Variants in GABRB3 observed in about 807,000 individuals in gnomAD.
The protein encoded by GABRB3 is gamma-aminobutyric acid type A receptor subunit beta3.
Under a neutral mutation model 52.1 loss-of-function variants are expected in GABRB3, and 14 were observed. The observed-to-expected ratio is 0.27, with a 90% CI of 0.18 to 0.42. GABRB3 has a LOEUF of 0.42. GABRB3 is among the 10% of genes least tolerant of loss of function. The probability of loss-of-function intolerance (pLI) is 1.00; values close to 1 mark genes in which losing one functional copy is unlikely to be tolerated. For synonymous variants in GABRB3, 260 were observed against 232.3 expected (o/e 1.12, Z -1.08); for missense variants, 307 against 609.1 (o/e 0.50, Z 5.22).
intron 3 of GABRB3, among the ~76,000 whole-genome samples, chr15:26,711,823 A>G (rs1407481163): frequency 1.3e-5 from 2 of 152,260 alleles, no homozygotes; most frequent in Non-Finnish European, 2.9e-5. Flanking sequence ...TAATGATTTC[A>G]CAATGCGATC....
Position 26,726,304 on chromosome 15 carries a change from A to G in GABRB3, c.240+46098T>C, listed in dbSNP as rs574609915. Among the ~76,000 whole-genome samples the G allele has an allele frequency of 9.8e-5, 15 of 152,344 alleles. No homozygotes were observed. In the South Asian group the frequency reaches 3.1e-3, roughly 32 times the overall value. ...CTCAACCTGTGTAAAGATATCCCATATACCATTAGTCTAGCTTCTTCAAAT... is the reference window on the plus strand; with the variant it reads ...CTCAACCTGTGTAAAGATATCCCATGTACCATTAGTCTAGCTTCTTCAAAT... On this transcript the variant is annotated intron_variant, in intron 3 of 8. Coordinates refer to ENST00000311550, the MANE Select transcript of GABRB3 (RefSeq NM_000814.6).
intron 3 of GABRB3, among the ~76,000 whole-genome samples, chr15:26,707,629 G>A (rs758230973): frequency 2.0e-5 from 3 of 152,170 alleles, no homozygotes; most frequent in Non-Finnish European, 4.4e-5. Context: ...TTGCCACACA[G>A]AGCAAGACAC....
chr15:26,732,235 CAGATGGAT>C (rs1889940663), intron 3 of GABRB3, among the ~76,000 whole-genome samples: 1 of 138,272 alleles, frequency 7.2e-6, no homozygotes, highest in Admixed American at 7.3e-5. Flanking sequence ...GATGGGTGGA[CAGATGGAT>C]GGATGGATGA....
intron 3 of GABRB3, among the ~76,000 whole-genome samples, chr15:26,627,037 G>A (rs1373359147): frequency 2.0e-5 from 3 of 152,194 alleles, no homozygotes; most frequent in Admixed American, 6.5e-5. Flanking sequence ...GCTAATTGCA[G>A]CTGCTGACTT....
At chr15:26,588,769 C>A (rs114809853) in intron 4 of GABRB3, among the ~76,000 whole-genome samples, 2,432 of 152,090 alleles carry the variant, frequency 0.016, 63 homozygotes, top group African/African-American at 0.056. Flanking sequence ...GAGTAAATGC[C>A]GAAAATAAAT....
At chr15:26,667,076 A>G (rs919567860) in intron 3 of GABRB3, among the ~76,000 whole-genome samples, 4 of 152,224 alleles carry the variant, frequency 2.6e-5, no homozygotes, top group Non-Finnish European at 5.9e-5. Context: ...GGATTGATTG[A>G]GAGCACACCG....
chr15:26,761,210 T>C (rs1013007222), intron 3 of GABRB3, among the ~76,000 whole-genome samples: 3 of 151,982 alleles, frequency 2.0e-5, no homozygotes, highest in African/African-American at 7.2e-5. Context: ...CTGGCCAACA[T>C]AGTGAAACCC....
chr15:26,771,922 C>G (rs41310940), intron 3 of GABRB3: 8 of 157,364 alleles, frequency 5.1e-5, no homozygotes, highest in African/African-American at 1.7e-4. Flanking sequence ...ACGCACAGAC[C>G]ACTGTCTTCG....
chr15:26,759,410 G>A (rs373945720), intron 3 of GABRB3, among the ~76,000 whole-genome samples: 2 of 152,192 alleles, frequency 1.3e-5, no homozygotes, highest in South Asian at 2.1e-4. Context: ...ACAGGCACAC[G>A]CCACCATGCC....
At chr15:26,686,077 G>A (rs1049888571) in intron 3 of GABRB3, among the ~76,000 whole-genome samples, 1 of 151,886 alleles carries the variant, frequency 6.6e-6, no homozygotes, top group Non-Finnish European at 1.5e-5. Context: ...TGAGTAGCTG[G>A]GACTATAAGT....
At chr15:26,583,618 A>T (rs181712216) in intron 4 of GABRB3, among the ~76,000 whole-genome samples, 22 of 152,140 alleles carry the variant, frequency 1.4e-4, no homozygotes, top group Admixed American at 1.2e-3. Context: ...TCAAGGAAAA[A>T]AAAAACACAA....
At chr15:26,689,087 G>A (rs571264881) in intron 3 of GABRB3, among the ~76,000 whole-genome samples, 200 of 152,342 alleles carry the variant, frequency 1.3e-3, no homozygotes, top group African/African-American at 4.6e-3. Context: ...TTTATGAAGT[G>A]AGTTCAGTGG....
chr15:26,652,803 C>T (rs554698270), intron 3 of GABRB3, among the ~76,000 whole-genome samples: 46 of 152,202 alleles, frequency 3.0e-4, no homozygotes, highest in East Asian at 5.8e-4. Flanking sequence ...TGTTTATTCA[C>T]GCTGATTTAT....
chr15:26,703,880 G>A (rs892075543), intron 3 of GABRB3, among the ~76,000 whole-genome samples: 1 of 152,190 alleles, frequency 6.6e-6, no homozygotes, highest in Non-Finnish European at 1.5e-5. Context: ...CACTTTGCTG[G>A]CTTTGCGGGA....
chr15:26,592,243 T>C (rs1423591860), intron 4 of GABRB3, among the ~76,000 whole-genome samples: 2 of 152,136 alleles, frequency 1.3e-5, no homozygotes, highest in East Asian at 3.9e-4. Flanking sequence ...AAGTGACAAT[T>C]AGGCGTAACA....
chr15:26,683,264 A>G (rs2042222532), intron 3 of GABRB3, among the ~76,000 whole-genome samples: 1 of 152,044 alleles, frequency 6.6e-6, no homozygotes, highest in African/African-American at 2.4e-5. Context: ...TATTATTACA[A>G]AATAATAAAG....
intron 3 of GABRB3, among the ~76,000 whole-genome samples, chr15:26,681,341 A>G (rs571590661): frequency 8.5e-5 from 13 of 152,286 alleles, no homozygotes; most frequent in African/African-American, 3.1e-4. Flanking sequence ...CAGATTATTA[A>G]AAACATAAAT....
intron 3 of GABRB3, among the ~76,000 whole-genome samples, chr15:26,761,125 T>C (rs538514280): frequency 1.7e-3 from 254 of 152,318 alleles, no homozygotes; most frequent in Non-Finnish European, 2.8e-3. Context: ...CCAGGCGCGG[T>C]GGCTCACGCC....
intron 4 of GABRB3, among the ~76,000 whole-genome samples, chr15:26,619,892 ACACATAC>A (rs973836403): frequency 3.7e-5 from 5 of 133,592 alleles, no homozygotes. Flanking sequence ...CACCAACACA[ACACATAC>A]CACACACACA....
Sources: gnomAD v4.1 joint callset for allele counts (sites outside exome capture counted in the v4.1 genomes callset) on GRCh38, gnomAD v4.1.1 for gene constraint, MANE v1.5 for transcripts, NCBI Gene and HGNC (gene_info 2026-07-23, HGNC 2026-07-21) for gene names.